STAB2: variants seen among roughly 807,000 people sequenced by gnomAD.
The protein encoded by STAB2 is stabilin 2, also known as stabilin-2.
In STAB2, 288 loss-of-function variants were observed where a neutral mutation model predicts 338.1. The ratio of observed to expected loss-of-function variants is 0.85; its 90% confidence interval spans 0.77 to 0.94. The LOEUF (loss-of-function observed/expected upper bound fraction) is 0.94, where lower values mean the gene tolerates loss of function less well. Ranked by LOEUF, STAB2 falls within the 40% of genes least tolerant of loss-of-function variation. The pLI is 0.00. For synonymous variants in STAB2, 1,202 were observed against 1,193.3 expected (o/e 1.01, Z -0.15); for missense variants, 3,141 against 3,210.1 (o/e 0.98, Z 0.52).
chr12:103,699,171 C>G lies in STAB2; in HGVS notation c.3658C>G (p.Arg1220Gly). ...GAATGACCTGCACAATGGCATGCAT[C>G]GTGAGACCATGCTGGGTTTCTCCTA... ...LKNDLHNGMHRETMLGFSYFL... is the reference protein window; with the variant it reads ...LKNDLHNGMHGETMLGFSYFL... The change falls in exon 34 of 69, where the codon CGT becomes GGT. Residue 1220 changes from arginine to glycine, a missense_variant. Transcript: ENST00000388887. The G allele has an allele frequency of 1.9e-6, 3 of 1,613,452 alleles. No homozygotes were observed. Among genetic ancestry groups the G allele is most frequent in the Non-Finnish European group, 2.5e-6 (3 of 1,179,564 alleles).
intron 3 of STAB2, among the ~76,000 whole-genome samples, chr12:103,606,844 C>T (rs371978022): frequency 3.9e-5 from 6 of 152,078 alleles, no homozygotes; most frequent in East Asian, 3.9e-4. Context: ...ATTGGCTGGG[C>T]GTGGTGGCAC....
In STAB2 at chr12:103,703,263, C is replaced by A. The variant is rs147585738; in HGVS notation, c.3830C>A (p.Thr1277Asn). The change falls in exon 35 of 69, where the codon ACT becomes AAT. Residue 1277 changes from threonine to asparagine, a missense_variant. By Grantham distance (65) the Thr-to-Asn change is moderately conservative. Coordinates refer to ENST00000388887, the MANE Select transcript of STAB2 (RefSeq NM_017564.10). ...IQKNRCDNNDTTIIRGRCRTC... is the reference protein window; with the variant it reads ...IQKNRCDNNDNTIIRGRCRTC... Reference sequence around the variant, plus strand: ...AAGAACAGATGTGATAATAATGACACTACTATTATACGAGTAAGTTCTATG... The same window carrying A: ...AAGAACAGATGTGATAATAATGACAATACTATTATACGAGTAAGTTCTATG... 2 of 1,613,048 alleles carry A rather than the reference C, an allele frequency of 1.2e-6. No homozygotes were observed. Among genetic ancestry groups the A allele is most frequent in the African/African-American group, 2.7e-5 (2 of 74,908 alleles).
At chr12:103,739,576 C>CTGTGTGT (rs1882423532) in intron 54 of STAB2, 108 bp downstream of exon 54, 3 of 657,860 alleles carry the variant, frequency 4.6e-6, no homozygotes, top group Non-Finnish European at 6.6e-6. Flanking sequence ...TGTGTGTGCC[C>CTGTGTGT]GTGCACGTAT....
rs11111753 is a variant in STAB2 at position 103,763,063 on chromosome 12, G to T, written c.7489-429G>T. ...TTTGCTGCCTTCTGGCAGACAGCTTGTATATTTATAAGCTCCAGGGAAAAT... is the reference window on the plus strand; with the variant it reads ...TTTGCTGCCTTCTGGCAGACAGCTTTTATATTTATAAGCTCCAGGGAAAAT... On this transcript the variant is annotated intron_variant, in intron 67 of 68. Coordinates refer to ENST00000388887, the MANE Select transcript of STAB2 (RefSeq NM_017564.10). Among the ~76,000 whole-genome samples, 398 of 152,342 alleles carry T rather than the reference G, an allele frequency of 2.6e-3. 3 individuals are homozygous for T. Among genetic ancestry groups the T allele is most frequent in the African/African-American group, 9.2e-3 (382 of 41,566 alleles).
Position 103,600,522 on chromosome 12 carries a change from T to C in STAB2, c.331+6012T>C, listed in dbSNP as rs146649290. 5.4e-3 allele frequency among the ~76,000 whole-genome samples: 815 copies of C among 152,330 alleles called. 6 individuals carry two copies. Among genetic ancestry groups the C allele is most frequent in the African/African-American group, 0.018 (746 of 41,574 alleles). On this transcript the variant is annotated intron_variant, in intron 3 of 68. Coordinates refer to ENST00000388887, the MANE Select transcript of STAB2 (RefSeq NM_017564.10). The stretch of plus-strand genomic sequence containing the variant: ...TCCCATCACAGAGACTCCACCCTGA[T>C]GGTTTCATCTGAACCTAAACACCTC...
intron 31 of STAB2, 105 bp downstream of exon 31, chr12:103,692,994 A>G (rs1442017049): frequency 9.6e-6 from 8 of 836,890 alleles, no homozygotes; most frequent in Middle Eastern, 2.3e-4. Flanking sequence ...TTAGCCTTAT[A>G]TGGAAGTAAC....
At chr12:103,703,861 C>T (rs1298711656) in intron 35 of STAB2, among the ~76,000 whole-genome samples, 1 of 152,196 alleles carries the variant, frequency 6.6e-6, no homozygotes, top group Non-Finnish European at 1.5e-5. Flanking sequence ...ATGCACTAAC[C>T]TGTGTAATCC....
intron 2 of STAB2, among the ~76,000 whole-genome samples, chr12:103,593,879 C>A (rs929981538): frequency 6.6e-5 from 10 of 152,232 alleles, no homozygotes; most frequent in Non-Finnish European, 1.2e-4. Flanking sequence ...TTCTAAGGAA[C>A]TCATCATTTT....
chr12:103,627,045 G>A (rs929725741), intron 5 of STAB2, among the ~76,000 whole-genome samples: 2 of 152,202 alleles, frequency 1.3e-5, no homozygotes, highest in Non-Finnish European at 2.9e-5. Context: ...TGTGCAGAGG[G>A]ATTTCTTTGG....
chr12:103,680,804 G>A (rs923820067), intron 25 of STAB2, among the ~76,000 whole-genome samples: 8 of 152,338 alleles, frequency 5.3e-5, no homozygotes, highest in African/African-American at 1.4e-4. Context: ...GCCAAATGGC[G>A]TGTAGTTTCC....
chr12:103,669,180 G>T, intron 20 of STAB2: 1 of 264,856 alleles, frequency 3.8e-6, no homozygotes, highest in African/African-American at 2.2e-5. Context: ...TGCCACCACT[G>T]GATGATAATA....
chr12:103,656,041 A>G lies in STAB2; in HGVS notation c.1734+460A>G, dbSNP rs139361690. Among the ~76,000 whole-genome samples the G allele has an allele frequency of 2.3e-3, 348 of 152,208 alleles. 1 individual carries two copies. The highest frequency in any genetic ancestry group is 8.0e-3 in the African/African-American group (332 of 41,510). On this transcript the variant is annotated intron_variant, in intron 15 of 68. Coordinates refer to ENST00000388887, the MANE Select transcript of STAB2 (RefSeq NM_017564.10). ...TGCTTCAGCCTTTCCTTTCCTTTCT[A>G]TTGCTTTCATCTTTCTCCACCATGG...
rs1479249602 is a variant in STAB2 at position 103,650,562 on chromosome 12, G to T, written c.1241G>T (p.Gly414Val). 1 of 1,612,982 alleles carries T rather than the reference G, an allele frequency of 6.2e-7. No homozygotes were observed. Among genetic ancestry groups the T allele is most frequent in the Non-Finnish European group, 8.5e-7 (1 of 1,179,146 alleles). ...ACGGTGCTGTTACCTACAGACAAGG[G>T]ACTGAAAGGATTCAATGTGAGTATT... Reference protein sequence around the residue: ...PFTVLLPTDKGLKGFNVNELL... With the variant: ...PFTVLLPTDKVLKGFNVNELL... The change falls in exon 11 of 69, where the codon GGA becomes GTA. Residue 414 changes from glycine (G) to valine (V), a missense_variant. Physicochemically the swap from Gly to Val is moderately radical, Grantham distance 109. Transcript: ENST00000388887.
chr12:103,637,953 G>A, intron 7 of STAB2, 63 bp from the exon 8 acceptor site: 1 of 1,536,162 alleles, frequency 6.5e-7, no homozygotes, highest in South Asian at 1.2e-5. Context: ...GTTGCTCACG[G>A]TTCAGTTTTC....
intron 2 of STAB2, 108 bp downstream of exon 2, chr12:103,591,138 A>G: frequency 6.9e-7 from 1 of 1,456,508 alleles, no homozygotes; most frequent in Non-Finnish European, 9.4e-7. Flanking sequence ...TAAGACAATA[A>G]GCCCAAACTT....
chr12:103,618,863 G>A (rs946828616), intron 3 of STAB2, among the ~76,000 whole-genome samples: 3 of 152,090 alleles, frequency 2.0e-5, no homozygotes, highest in African/African-American at 4.8e-5. Context: ...TAATTCTCAC[G>A]TGTCATGGGA....
chr12:103,748,617 C>T (rs865856496), intron 58 of STAB2, among the ~76,000 whole-genome samples: 12,879 of 43,520 alleles, frequency 0.3, 556 homozygotes, highest in Admixed American at 0.38. Context: ...CACACACACA[C>T]ACACACACAC....
In STAB2 at chr12:103,724,963, C is replaced by G; in HGVS notation, c.4684-12C>G. On this transcript the variant is annotated splice_polypyrimidine_tract_variant and intron_variant, in intron 44 of 68. Coordinates refer to ENST00000388887, the MANE Select transcript of STAB2 (RefSeq NM_017564.10). Reference sequence around the variant, plus strand: ...CTAATCCCCATCCCTTGCCCCTTGGCAATTTTACCAGAAAAATGGCGGCTG... The same window carrying G: ...CTAATCCCCATCCCTTGCCCCTTGGGAATTTTACCAGAAAAATGGCGGCTG... The G allele has an allele frequency of 6.2e-7, 1 of 1,613,202 alleles. No homozygotes were observed. Among genetic ancestry groups the G allele is most frequent in the Non-Finnish European group, 8.5e-7 (1 of 1,179,180 alleles).
At chr12:103,618,672 C>T (rs1957248985) in intron 3 of STAB2, among the ~76,000 whole-genome samples, 1 of 152,166 alleles carries the variant, frequency 6.6e-6, no homozygotes, top group Non-Finnish European at 1.5e-5. Flanking sequence ...TACCCCTTGC[C>T]AGCTGGGTGA....
Sources: gnomAD v4.1 joint callset for allele counts (sites outside exome capture counted in the v4.1 genomes callset) on GRCh38, gnomAD v4.1.1 for gene constraint, MANE v1.5 for transcripts, NCBI Gene and HGNC (gene_info 2026-07-23, HGNC 2026-07-21) for gene names.